ARPIN: variants seen among roughly 807,000 people sequenced by gnomAD.
The protein encoded by ARPIN is UPF0552 protein C15orf38.
A neutral mutation model predicts 25.9 loss-of-function variants in ARPIN; 23 were observed. That is an observed-to-expected ratio of 0.89 (90% CI 0.64 to 1.26). The LOEUF is 1.26. Ranked by LOEUF, ARPIN falls within the 50% of genes most tolerant of loss-of-function variation. The probability of loss-of-function intolerance (pLI) is 0.00; values close to 1 mark genes in which losing one functional copy is unlikely to be tolerated. For missense variants in ARPIN, 333 were observed against 312.2 expected, an observed-to-expected ratio of 1.07 and a Z score of -0.50; for synonymous variants, 126 against 131.4, an observed-to-expected ratio of 0.96 and a Z score of 0.28.
At chr15:89,912,282 TGGCCCTCCAAATCCTCCTCACCCAGGCA>T in intron 1 of ARPIN, 1 of 994,480 alleles carries the variant, frequency 1.0e-6, no homozygotes, top group South Asian at 4.6e-5. Context: ...CGACAGGGCC[TGGCCCTCCAAATCCTCCTCACCCAGGCA>T]GGCCCTGCTC....
chr15:89,904,129 C>T (rs1897078053), intron 3 of ARPIN, 146 bp from the exon 4 acceptor site: 1 of 1,002,354 alleles, frequency 1.0e-6, no homozygotes, highest in South Asian at 1.8e-5. Context: ...GAGTCCTCAT[C>T]AAGGAACTCC....
chr15:89,912,932 CCAGCCG>C lies in ARPIN; in HGVS notation c.-103_-98del. On this transcript the variant is annotated 5_prime_UTR_variant, in exon 1 of 6. Coordinates refer to ENST00000357484, the MANE Select transcript of ARPIN (RefSeq NM_182616.4). ...CAGGACGCGCGGGGACCCGCGATTC[CCAGCCG>C]GCGGATCCGGGAATGGCGCGGCCCG... The C allele has an allele frequency of 6.5e-6, 9 of 1,386,112 alleles. No homozygotes were observed. The highest frequency in any genetic ancestry group is 7.5e-6 in the Non-Finnish European group (8 of 1,069,540). The allele number at this position is 1,386,112 out of a possible 1,614,324, so 85.9% of individuals were successfully genotyped here.
intron 3 of ARPIN, among the ~76,000 whole-genome samples, chr15:89,904,236 C>T (rs538579180): frequency 2.0e-4 from 30 of 152,062 alleles, no homozygotes; most frequent in African/African-American, 7.2e-4. Context: ...TCTCCGTACC[C>T]GAAAAATAGG....
chr15:89,908,152 C>T lies in ARPIN; in HGVS notation c.301+128G>A, dbSNP rs757589789. ...CAGGGGTGGATGTGGAAGCCTCAGG[C>T]CACATACAGGGCTTCAACATCAAGA... On this transcript the variant is annotated intron_variant, in intron 3 of 5. Transcript: ENST00000357484. 10 of 1,457,990 alleles carry T rather than the reference C, an allele frequency of 6.9e-6. No homozygotes were observed. In the Admixed American group the frequency reaches 1.4e-4, roughly 20 times the overall value. The allele number at this position is 1,457,990 out of a possible 1,614,324, so 90.3% of individuals were successfully genotyped here.
intron 4 of ARPIN, 147 bp from the exon 5 acceptor site, chr15:89,903,526 ACCC>A (rs1359946999): frequency 4.1e-5 from 58 of 1,421,358 alleles, no homozygotes; most frequent in Non-Finnish European, 5.3e-5. Flanking sequence ...CCTGGGTGGG[ACCC>A]CCAAGGTATG....
chr15:89,903,121 T>C (rs1410273815), intron 5 of ARPIN, 95 bp downstream of exon 5: 1 of 1,611,726 alleles, frequency 6.2e-7, no homozygotes, highest in East Asian at 2.2e-5. Context: ...GGGGGTAAGA[T>C]TCATCCTGTC....
intron 4 of ARPIN, among the ~76,000 whole-genome samples, 159 bp from the exon 5 acceptor site, chr15:89,903,538 T>C (rs1405643004): frequency 1.3e-5 from 2 of 152,172 alleles, no homozygotes; most frequent in Non-Finnish European, 2.9e-5. Context: ...CCCCAAGGTA[T>C]GGTGGGAGAG....
At chr15:89,911,855 C>G (rs1490329267) in intron 1 of ARPIN, among the ~76,000 whole-genome samples, 2 of 151,934 alleles carry the variant, frequency 1.3e-5, no homozygotes, top group Admixed American at 6.6e-5. Context: ...TTGACACAGT[C>G]TTGCTCCATC....
At chr15:89,912,663 T>TTGGGGGGCC in intron 1 of ARPIN, 81 bp downstream of exon 1, 2 of 871,088 alleles carry the variant, frequency 2.3e-6, no homozygotes, top group East Asian at 1.0e-4. Context: ...CCCACCCGCA[T>TTGGGGGGCC]CCCACCCCCC....
Position 89,903,270 on chromosome 15 carries a change from C to A in ARPIN, c.618G>T (p.Lys206Asn), listed in dbSNP as rs372933100. Residue 206 changes from lysine (K) to asparagine (N), a missense_variant, in exon 5 of 6, where the codon AAG becomes AAT. Transcript: ENST00000357484. ...GCTCTCGGATCTCCGCTGCAGCCCCCTTCGAACACTTTTGGGCCATGATGT... is the reference window on the plus strand; with the variant it reads ...GCTCTCGGATCTCCGCTGCAGCCCCATTCGAACACTTTTGGGCCATGATGT... ...TDNIMAQKCS[K>N]GAAAEIREQG... 6.2e-7 allele frequency: 1 copy of A among 1,614,120 alleles called. No homozygotes were observed. The highest frequency in any genetic ancestry group is 1.3e-5 in the African/African-American group (1 of 74,940).
At chr15:89,902,774 T>G in intron 5 of ARPIN, 1 of 858,084 alleles carries the variant, frequency 1.2e-6, no homozygotes. Context: ...GGGGACTGAC[T>G]CTCATCAAAA....
intron 5 of ARPIN, chr15:89,902,806 T>G: frequency 9.2e-7 from 1 of 1,083,156 alleles, no homozygotes; most frequent in Non-Finnish European, 1.1e-6. Flanking sequence ...AAGGACCAGG[T>G]CAGCCATTCT....
At chr15:89,912,372 G>T (rs1346249302) in intron 1 of ARPIN, 1 of 1,032,296 alleles carries the variant, frequency 9.7e-7, no homozygotes. Flanking sequence ...GTCCCTTCTG[G>T]GGCAGGGCAT....
Position 89,908,411 on chromosome 15 carries a change from T to C in ARPIN, c.170A>G (p.Glu57Gly), listed in dbSNP as rs1233771463. ...CCGGATATACAGCACGTAGTAGCGC[T>C]CCTGGGGCCAGGCAGACAGAGAGTG... ...HSILDTHGRK[E>G]RYYVLYIRPS... Residue 57 changes from glutamate to glycine, a missense_variant and splice_region_variant, in exon 3 of 6, where the codon GAG (glutamate) becomes GGG (glycine). By Grantham distance (98) the Glu-to-Gly change is moderately conservative. Transcript: ENST00000357484. 1.9e-6 allele frequency: 3 copies of C among 1,613,342 alleles called. No homozygotes were observed. Among genetic ancestry groups the C allele is most frequent in the African/African-American group, 1.3e-5 (1 of 74,434 alleles).
In ARPIN at chr15:89,911,223, G is replaced by A. The variant is rs144533575; in HGVS notation, c.93-404C>T. Among the ~76,000 whole-genome samples, 101 of 152,352 alleles carry A rather than the reference G, an allele frequency of 6.6e-4. No individual in the cohort carries two copies. The South Asian group carries it at 9.9e-3, about 15-fold the overall frequency. On this transcript the variant is annotated intron_variant, in intron 1 of 5. Coordinates refer to ENST00000357484, the MANE Select transcript of ARPIN (RefSeq NM_182616.4). ...ATTTTACTTTTTTATTGGTCCAAATGTGAGGGTAGGTATCTAAGCTGCAAT... is the reference window on the plus strand; with the variant it reads ...ATTTTACTTTTTTATTGGTCCAAATATGAGGGTAGGTATCTAAGCTGCAAT...
intron 5 of ARPIN, chr15:89,902,776 T>G: frequency 3.4e-6 from 3 of 882,534 alleles, no homozygotes; most frequent in Non-Finnish European, 4.2e-6. Flanking sequence ...GGACTGACTC[T>G]CATCAAAAGA....
Position 89,901,763 on chromosome 15 carries a change from G to A in ARPIN, c.*32C>T. 6.2e-7 allele frequency: 1 copy of A among 1,611,286 alleles called. No homozygotes were observed. Among genetic ancestry groups the A allele is most frequent in the Non-Finnish European group, 8.5e-7 (1 of 1,177,440 alleles). On this transcript the variant is annotated 3_prime_UTR_variant, in exon 6 of 6. Transcript: ENST00000357484. ...AGAAATGTTCCACAATGCTACAGAA[G>A]GTGCTGGTGCCCCCAGAGGCAGCCA...
At chr15:89,903,515 C>G in intron 4 of ARPIN, 136 bp from the exon 5 acceptor site, 2 of 1,459,932 alleles carry the variant, frequency 1.4e-6, no homozygotes, top group South Asian at 1.3e-5. Flanking sequence ...GTCAATGAGC[C>G]CCTGGGTGGG....
At position 89,903,966 on chromosome 15, in the gene ARPIN, C is replaced by T. The variant is rs754776501; in HGVS notation, c.319G>A (p.Asp107Asn). Residue 107 changes from aspartate to asparagine, a missense_variant, in exon 4 of 6, where the codon GAC (aspartate) becomes AAC (asparagine). Physicochemically the swap from Asp to Asn is conservative, Grantham distance 23. Transcript: ENST00000357484. ...MSSYKVEAKGDTDRLTPEALK... is the reference protein window; with the variant it reads ...MSSYKVEAKGNTDRLTPEALK... ...GCCTCGGGCGTGAGCCTGTCAGTGT[C>T]CCCCTTGGCTTCCACCTCTGCAGGC... The T allele has an allele frequency of 2.5e-6, 4 of 1,607,400 alleles. No individual in the cohort carries two copies. The highest frequency in any genetic ancestry group is 1.1e-5 in the South Asian group (1 of 91,016).
Sources: gnomAD v4.1 joint callset for allele counts (sites outside exome capture counted in the v4.1 genomes callset) on GRCh38, gnomAD v4.1.1 for gene constraint, MANE v1.5 for transcripts, NCBI Gene and HGNC (gene_info 2026-07-23, HGNC 2026-07-21) for gene names.